WDR17: variants seen among roughly 807,000 people sequenced by gnomAD.
WDR17 encodes WD repeat domain 17.
WDR17 carries 143 observed loss-of-function variants against 161.7 expected under a neutral mutation model. That is an observed-to-expected ratio of 0.88 (90% CI 0.77 to 1.02). The LOEUF is 1.02. WDR17 is among the 50% of genes least tolerant of loss of function. WDR17 has a pLI of 0.00. For missense variants in WDR17, 1,469 were observed against 1,520.9 expected (o/e 0.97, Z 0.57); for synonymous variants, 517 against 515.6 (o/e 1.00, Z -0.04).
chr4:176,174,862 AG>A, intron 26 of WDR17, 144 bp downstream of exon 26: 2 of 469,536 alleles, frequency 4.3e-6, no homozygotes, highest in Non-Finnish European at 7.7e-6. Flanking sequence ...ATAATAAAGC[AG>A]CACATAAATT....
intron 18 of WDR17, among the ~76,000 whole-genome samples, chr4:176,156,535 C>T (rs548507792): frequency 6.6e-6 from 1 of 152,122 alleles, no homozygotes; most frequent in Admixed American, 6.5e-5. Flanking sequence ...TAATTCCTGC[C>T]ATTTCTTCCC....
Position 176,115,985 on chromosome 4 carries a change from A to G in WDR17, c.307+6A>G, listed in dbSNP as rs751762656. On this transcript the variant is annotated splice_donor_region_variant and intron_variant, in intron 3 of 28. Transcript: ENST00000508596. The stretch of plus-strand genomic sequence containing the variant: ...TAAACTCGACAGTACAAAAGGTATA[A>G]TTACAACTGGGATTTATTTTATGGA... 8 of 1,587,240 alleles carry G rather than the reference A, an allele frequency of 5.0e-6. 1 individual carries two copies. The South Asian group carries it at 9.4e-5, about 19-fold the overall frequency.
intron 23 of WDR17, among the ~76,000 whole-genome samples, chr4:176,171,430 T>A (rs1187685846): frequency 6.6e-6 from 1 of 152,114 alleles, no homozygotes; most frequent in Non-Finnish European, 1.5e-5. Flanking sequence ...ATTTCATGAA[T>A]AAGGATGGGG....
intron 1 of WDR17, among the ~76,000 whole-genome samples, chr4:176,071,693 G>A (rs1377054521): frequency 6.6e-6 from 1 of 152,152 alleles, no homozygotes; most frequent in Non-Finnish European, 1.5e-5. Flanking sequence ...TGTTGAAGTA[G>A]ATGTGGATTA....
chr4:176,120,783 A>G (rs1741453858), intron 4 of WDR17, among the ~76,000 whole-genome samples: 1 of 151,748 alleles, frequency 6.6e-6, no homozygotes, highest in Non-Finnish European at 1.5e-5. Context: ...GGCTAGATGG[A>G]TGAATGAAAG....
chr4:176,163,645 T>C (rs1367137046), intron 22 of WDR17, among the ~76,000 whole-genome samples: 1 of 152,238 alleles, frequency 6.6e-6, no homozygotes, highest in Non-Finnish European at 1.5e-5. Flanking sequence ...TTGTCAGATC[T>C]TGTGTCCTAT....
At chr4:176,076,254 T>TATAC (rs1484407765) in intron 1 of WDR17, among the ~76,000 whole-genome samples, 35 of 59,486 alleles carry the variant, frequency 5.9e-4, no homozygotes, top group South Asian at 3.8e-3. Context: ...TATATATATA[T>TATAC]ACACACACAC....
At chr4:176,136,714 G>A (rs1474096465) in intron 8 of WDR17, among the ~76,000 whole-genome samples, 1 of 150,332 alleles carries the variant, frequency 6.7e-6, no homozygotes, top group African/African-American at 2.5e-5. Flanking sequence ...GATACCAGAC[G>A]AAAAGAAAAA....
rs115050092 is a variant in WDR17, at chr4:176,115,301, T to C, written c.124-495T>C. ...ATTTATGTATAAAAACACAATATAA[T>C]GTCCCATCCAAAAAAAACAATAAAA... On this transcript the variant is annotated intron_variant, in intron 2 of 28. Transcript: ENST00000508596. 5.8e-3 allele frequency among the ~76,000 whole-genome samples: 882 copies of C among 152,004 alleles called. 9 individuals carry two copies. Among genetic ancestry groups the C allele is most frequent in the African/African-American group, 0.02 (823 of 41,512 alleles).
chr4:176,093,971 A>G (rs141773160), intron 1 of WDR17, among the ~76,000 whole-genome samples: 1 of 152,254 alleles, frequency 6.6e-6, no homozygotes, highest in Non-Finnish European at 1.5e-5. Flanking sequence ...GGACATAAGA[A>G]ATAAGAACTA....
intron 1 of WDR17, among the ~76,000 whole-genome samples, chr4:176,082,503 A>G (rs1734878183): frequency 6.6e-6 from 1 of 152,002 alleles, no homozygotes; most frequent in Non-Finnish European, 1.5e-5. Flanking sequence ...AGTGGCTTAA[A>G]AGTCCAGGTT....
At chr4:176,153,733 TTAAAA>T (rs1362540553) in intron 17 of WDR17, among the ~76,000 whole-genome samples, 1 of 152,214 alleles carries the variant, frequency 6.6e-6, no homozygotes, top group Non-Finnish European at 1.5e-5. Context: ...TATGGTTACA[TTAAAA>T]TAAATCAAAA....
intron 1 of WDR17, among the ~76,000 whole-genome samples, chr4:176,096,744 T>A (rs548473492): frequency 1.3e-5 from 2 of 152,072 alleles, no homozygotes; most frequent in East Asian, 3.9e-4. Context: ...AAAGCAAAAG[T>A]AAGAATATAA....
At chr4:176,129,396 T>C (rs1343591040) in intron 6 of WDR17, among the ~76,000 whole-genome samples, 1 of 152,126 alleles carries the variant, frequency 6.6e-6, no homozygotes, top group African/African-American at 2.4e-5. Context: ...TATCATTCGT[T>C]GCCTCTGTAA....
chr4:176,123,843 G>T (rs1741992815), intron 4 of WDR17, among the ~76,000 whole-genome samples: 1 of 152,162 alleles, frequency 6.6e-6, no homozygotes, highest in African/African-American at 2.4e-5. Flanking sequence ...GGACATTGGG[G>T]GATGAGGCTG....
In WDR17 at chr4:176,131,619, A is replaced by C; in HGVS notation, c.979A>C (p.Thr327Pro). The C allele has an allele frequency of 6.2e-7, 1 of 1,613,480 alleles. No individual in the cohort carries two copies. The highest frequency in any genetic ancestry group is 8.5e-7 in the Non-Finnish European group (1 of 1,179,726). The change falls in exon 7 of 29, where the codon ACT (threonine) becomes CCT (proline). Residue 327 changes from threonine to proline, a missense_variant. Coordinates refer to ENST00000508596, the MANE Select transcript of WDR17 (RefSeq NM_181265.4). Reference protein sequence around the residue: ...SSTSEAVPPPTLTQNQAFSLP... With the variant: ...SSTSEAVPPPPLTQNQAFSLP... ...AACAAGCGAAGCAGTTCCACCCCCAACTTTAACACAGAATCAAGCATTTTC... is the reference window on the plus strand; with the variant it reads ...AACAAGCGAAGCAGTTCCACCCCCACCTTTAACACAGAATCAAGCATTTTC...
chr4:176,076,229 A>ATATATAATG (rs1337956928), intron 1 of WDR17, among the ~76,000 whole-genome samples: 1 of 32,186 alleles, frequency 3.1e-5, no homozygotes, highest in Non-Finnish European at 1.0e-4. Flanking sequence ...ATATATATAT[A>ATATATAATG]TATATATATA....
intron 5 of WDR17, among the ~76,000 whole-genome samples, chr4:176,126,206 G>A (rs1176549755): frequency 6.6e-6 from 1 of 152,160 alleles, no homozygotes; most frequent in East Asian, 1.9e-4. Flanking sequence ...GGGTTGAATG[G>A]ATACTCCTTC....
intron 7 of WDR17, among the ~76,000 whole-genome samples, chr4:176,133,167 A>AC (rs1330367559): frequency 2.8e-5 from 4 of 143,510 alleles, no homozygotes; most frequent in South Asian, 2.1e-4. Context: ...AGAAAAAAAA[A>AC]ACAATTTTTT....
Sources: gnomAD v4.1 joint callset for allele counts (sites outside exome capture counted in the v4.1 genomes callset) on GRCh38, gnomAD v4.1.1 for gene constraint, MANE v1.5 for transcripts, NCBI Gene and HGNC (gene_info 2026-07-23, HGNC 2026-07-21) for gene names.